Variants in RIN2 observed in about 807,000 individuals in gnomAD.
RIN2 encodes the protein RAB5 interacting protein 2.
RIN2 carries 36 observed loss-of-function variants against 78.0 expected under a neutral mutation model. The observed-to-expected ratio is 0.46, with a 90% confidence interval of 0.35 to 0.61. The LOEUF (loss-of-function observed/expected upper bound fraction) is 0.61. Among genes scored for constraint, RIN2 ranks in the 20% least tolerant of loss-of-function variants. RIN2 has a pLI of 0.00. For synonymous variants in RIN2, 466 were observed against 466.8 expected (o/e 1.00, Z 0.02); for missense variants, 1,087 against 1,159.7 (o/e 0.94, Z 0.91).
At chr20:19,954,841 G>T (rs1044148507) in intron 4 of RIN2, among the ~76,000 whole-genome samples, 23 of 152,114 alleles carry the variant, frequency 1.5e-4, no homozygotes, top group Admixed American at 1.5e-3. Context: ...ACTCAGGACA[G>T]CTCAGTAACT....
chr20:19,795,391 G>C (rs1360986179), intron 1 of RIN2, among the ~76,000 whole-genome samples: 1 of 152,080 alleles, frequency 6.6e-6, no homozygotes, highest in Non-Finnish European at 1.5e-5. Flanking sequence ...TAGTTTTCAA[G>C]TAAAAACCCC....
At chr20:19,835,706 C>G (rs535395394) in intron 2 of RIN2, among the ~76,000 whole-genome samples, 71 of 151,752 alleles carry the variant, frequency 4.7e-4, no homozygotes, top group African/African-American at 1.7e-3. Context: ...GCTTAAGTAA[C>G]AGCAAATATG....
In RIN2 at chr20:19,975,753, C is replaced by G. The variant is rs371439587; in HGVS notation, c.1728C>G (p.Pro576=). 13 of 1,612,204 alleles carry G rather than the reference C, an allele frequency of 8.1e-6. 1 individual carries two copies. The highest frequency in any genetic ancestry group is 1.1e-5 in the Non-Finnish European group (13 of 1,179,364). Residue 576 remains proline, a synonymous_variant, in exon 9 of 13, where the codon CCC becomes CCG. Transcript: ENST00000255006. This position sits in a 1 kb window ranked among gnomAD's most constrained non-coding sequence, Gnocchi z 4.9. ...NYLSQSSELD[P]PIESLIPEDQ... ...TGTCTCAGAGCTCGGAGCTGGACCC[C>G]CCCATCGAGTCGCTGATCCCTGAAG...
At chr20:19,880,768 G>A (rs1304521458) in intron 2 of RIN2, among the ~76,000 whole-genome samples, 11 of 152,176 alleles carry the variant, frequency 7.2e-5, no homozygotes, top group South Asian at 4.2e-4. Flanking sequence ...GAGCACATAC[G>A]TACCAGGCAG....
chr20:19,881,883 A>C (rs1241174486), intron 2 of RIN2, among the ~76,000 whole-genome samples: 1 of 152,236 alleles, frequency 6.6e-6, no homozygotes, highest in Admixed American at 6.5e-5. Context: ...TCAATACTCC[A>C]TTGCTGGGCC....
chr20:19,782,050 C>G (rs1008299161), intron 1 of RIN2, among the ~76,000 whole-genome samples: 1 of 152,158 alleles, frequency 6.6e-6, no homozygotes, highest in Non-Finnish European at 1.5e-5. Flanking sequence ...AATGACAAGA[C>G]AGTTAACCCT....
At chr20:19,962,232 G>A (rs140495819) in intron 6 of RIN2, among the ~76,000 whole-genome samples, 203 of 151,908 alleles carry the variant, frequency 1.3e-3, no homozygotes, top group African/African-American at 4.6e-3. Flanking sequence ...AGTGCAGTGA[G>A]CCGTGATCGT....
At chr20:19,927,828 G>T (rs754709791) in intron 3 of RIN2, among the ~76,000 whole-genome samples, 1 of 152,120 alleles carries the variant, frequency 6.6e-6, no homozygotes, top group Non-Finnish European at 1.5e-5. Flanking sequence ...GGGATTATAG[G>T]GGTAGGCTAC....
At chr20:19,893,416 C>G (rs899598894) in intron 3 of RIN2, among the ~76,000 whole-genome samples, 1 of 152,174 alleles carries the variant, frequency 6.6e-6, no homozygotes, top group Non-Finnish European at 1.5e-5. Context: ...GTGTAAAGCA[C>G]AGATAATTGG....
chr20:19,886,859 G>A (rs1216885767), intron 2 of RIN2: 1 of 788,898 alleles, frequency 1.3e-6, no homozygotes, highest in South Asian at 1.9e-5. Context: ...TCTGTGGGGA[G>A]GCATGGGGAA....
chr20:19,839,481 AC>A (rs1234307741), intron 2 of RIN2, among the ~76,000 whole-genome samples: 2 of 152,136 alleles, frequency 1.3e-5, no homozygotes, highest in African/African-American at 4.8e-5. Context: ...TCACAAAACC[AC>A]CTAAGTGATG....
intron 2 of RIN2, among the ~76,000 whole-genome samples, chr20:19,817,034 G>A (rs768319224): frequency 5.9e-5 from 9 of 152,164 alleles, no homozygotes; most frequent in Non-Finnish European, 1.2e-4. Context: ...GAGACAAGAA[G>A]TGTGTACATT....
chr20:19,942,109 C>CAAA (rs755899342), intron 4 of RIN2, among the ~76,000 whole-genome samples: 4 of 68,340 alleles, frequency 5.9e-5, no homozygotes, highest in East Asian at 5.3e-4. Context: ...GACTCTATCT[C>CAAA]AAAAAAAAAA....
chr20:19,963,119 G>A (rs1173142952), intron 6 of RIN2, among the ~76,000 whole-genome samples: 3 of 152,122 alleles, frequency 2.0e-5, no homozygotes, highest in African/African-American at 4.8e-5. Flanking sequence ...GGAAAGTACT[G>A]TTAGGGTCCA....
At chr20:19,795,291 T>C (rs557092700) in intron 1 of RIN2, among the ~76,000 whole-genome samples, 5 of 152,384 alleles carry the variant, frequency 3.3e-5, no homozygotes, top group East Asian at 3.9e-4. Flanking sequence ...TCTTAGTTTC[T>C]GTAAGATGTC....
intron 1 of RIN2, among the ~76,000 whole-genome samples, chr20:19,793,542 G>T (rs1348087210): frequency 6.6e-6 from 1 of 152,192 alleles, no homozygotes; most frequent in African/African-American, 2.4e-5. Flanking sequence ...AGGGAGAAAA[G>T]AAGTACTCCA....
chr20:19,935,197 C>G lies in RIN2; in HGVS notation c.156C>G (p.His52Gln), dbSNP rs1484052621. Residue 52 changes from histidine to glutamine, a missense_variant and splice_region_variant, in exon 4 of 13, where the codon CAC becomes CAG. Coordinates refer to ENST00000255006, the MANE Select transcript of RIN2 (RefSeq NM_018993.4). ...ATGGCCTGGAACCCGCTGAAACCCACAGGTGACCAGAGACACGGTTAGGTG... is the reference window on the plus strand; with the variant it reads ...ATGGCCTGGAACCCGCTGAAACCCAGAGGTGACCAGAGACACGGTTAGGTG... ...LENGLEPAET[H>Q]SMVRHKDGGY... 5.6e-6 allele frequency: 9 copies of G among 1,594,346 alleles called. No homozygotes were observed. The highest frequency in any genetic ancestry group is 7.7e-6 in the Non-Finnish European group (9 of 1,170,336).
chr20:19,801,511 T>C (rs1298002957), intron 2 of RIN2, among the ~76,000 whole-genome samples: 1 of 151,964 alleles, frequency 6.6e-6, no homozygotes. Context: ...TTAGTAGAGA[T>C]GGGGTTTCAC....
intron 7 of RIN2, among the ~76,000 whole-genome samples, chr20:19,969,951 A>C (rs2042055375): frequency 6.6e-6 from 1 of 152,238 alleles, no homozygotes; most frequent in Non-Finnish European, 1.5e-5. Context: ...GCAAATGTTT[A>C]AGTCTGCCTT....
Sources: gnomAD v4.1 joint callset for allele counts (sites outside exome capture counted in the v4.1 genomes callset) on GRCh38, gnomAD v4.1.1 for gene constraint, Gnocchi (gnomAD v3.1) non-coding constraint, MANE v1.5 for transcripts, NCBI Gene and HGNC (gene_info 2026-07-23, HGNC 2026-07-21) for gene names.